LRIG3: variants seen among roughly 807,000 people sequenced by gnomAD.
LRIG3 encodes leucine-rich repeats and immunoglobulin-like domains protein 3.
LRIG3 carries 76 observed loss-of-function variants against 114.5 expected under a neutral mutation model. The observed-to-expected ratio is 0.66, with a 90% CI of 0.55 to 0.80. The LOEUF (loss-of-function observed/expected upper bound fraction) is 0.80, where lower values mean the gene tolerates loss of function less well. LRIG3 is among the 30% of genes least tolerant of loss of function. The pLI, the probability that LRIG3 is intolerant of heterozygous loss-of-function variation, is 0.00. For synonymous variants in LRIG3, 512 were observed against 519.8 expected (o/e 0.98, Z 0.20); for missense variants, 1,239 against 1,382.8 (o/e 0.90, Z 1.65).
At position 58,887,910 on chromosome 12, in the gene LRIG3, A is replaced by G. The variant is rs752280282; in HGVS notation, c.970T>C (p.Ser324Pro). 47 of 1,613,100 alleles carry G rather than the reference A, an allele frequency of 2.9e-5. No individual in the cohort carries two copies. Among genetic ancestry groups the G allele is most frequent in the African/African-American group, 9.3e-5 (7 of 74,878 alleles). Residue 324 changes from serine (S) to proline (P), a missense_variant, in exon 8 of 19, where the codon TCA (serine) becomes CCA (proline). Ser to Pro is a moderately conservative substitution (Grantham distance 74). Coordinates refer to ENST00000320743, the MANE Select transcript of LRIG3 (RefSeq NM_153377.5). ...AGGAAGCTTGAATCATCTAACCTTG[A>G]TAAGTGATTGAAAGTTAGGTCCCTG... Reference protein sequence around the residue: ...SELDLTFNHLSRLDDSSFLGL... With the variant: ...SELDLTFNHLPRLDDSSFLGL...
Position 58,874,065 on chromosome 12 carries a change from A to G in LRIG3, c.3105T>C (p.Asn1035=). Residue 1035 remains asparagine (N), a synonymous_variant, in exon 18 of 19, where the codon AAT becomes AAC. Transcript: ENST00000320743. The part of the protein sequence containing the change: ...NPEPASVASS[N]SFMGTFGKAL... ...ACTTAATAAACTTACCCATGAAAGA[A>G]TTACTCGAGGCAACCGACGCTGGCT... 1 of 1,614,206 alleles carries G rather than the reference A, an allele frequency of 6.2e-7. No individual in the cohort carries two copies. The highest frequency in any genetic ancestry group is 8.5e-7 in the Non-Finnish European group (1 of 1,180,026).
Position 58,877,431 on chromosome 12 carries a change from C to A in LRIG3, c.2505G>T (p.Arg835=). 1 of 1,614,078 alleles carries A rather than the reference C, an allele frequency of 6.2e-7. No individual in the cohort carries two copies. Among genetic ancestry groups the A allele is most frequent in the Non-Finnish European group, 8.5e-7 (1 of 1,179,948 alleles). The change falls in exon 15 of 19, where the codon CGG becomes CGT. Residue 835 remains arginine (R), a synonymous_variant. Coordinates refer to ENST00000320743, the MANE Select transcript of LRIG3 (RefSeq NM_153377.5). ...VWVVIIYHTR[R]RNEDCSITNT... ...TGGTAATGCTGCAATCTTCATTCCT[C>A]CGCCTTGTGTGGTATATGATGACCA...
In LRIG3 at chr12:58,920,389, G is replaced by T. The variant is rs1260911566; in HGVS notation, c.-154C>A. 2.0e-6 allele frequency: 1 copy of T among 505,578 alleles called. No homozygotes were observed. Among genetic ancestry groups the T allele is most frequent in the African/African-American group, 2.0e-5 (1 of 49,634 alleles). 31.3% of individuals were successfully genotyped at this position (505,578 alleles called of 1,614,324 possible). On this transcript the variant is annotated 5_prime_UTR_variant, in exon 1 of 19. Transcript: ENST00000320743. ...CCGGTCAATTCCTTCTTTTACTCCC[G>T]GCGGCGAAGCCCTTTCATGCCCCCA...
chr12:58,878,830 C>T lies in LRIG3; in HGVS notation c.2077G>A (p.Val693Ile), dbSNP rs1262742362. The T allele has an allele frequency of 6.2e-7, 1 of 1,613,126 alleles. No individual in the cohort carries two copies. The highest frequency in any genetic ancestry group is 2.2e-5 in the East Asian group (1 of 44,868). The stretch of plus-strand genomic sequence containing the variant: ...TCTTAACAAATTCACCCACCTAGGA[C>T]AGTCAGAGTTGCATTTGCTGAAATA... Reference protein sequence around the residue: ...GSISANATLTVLETPSFLRPL... With the variant: ...GSISANATLTILETPSFLRPL... Residue 693 changes from valine (V) to isoleucine (I), a missense_variant, in exon 14 of 19, where the codon GTC becomes ATC. Val to Ile is a conservative substitution (Grantham distance 29). Transcript: ENST00000320743.
chr12:58,874,882 C>T (rs942896905), intron 16 of LRIG3, among the ~76,000 whole-genome samples: 1 of 152,176 alleles, frequency 6.6e-6, no homozygotes, highest in African/African-American at 2.4e-5. Context: ...TACAAAAGGT[C>T]CCAGATGACC....
In LRIG3 at chr12:58,878,808, T is replaced by A. The variant is rs1343461090; in HGVS notation, c.2083+16A>T. 2 of 1,605,820 alleles carry A rather than the reference T, an allele frequency of 1.2e-6. No homozygotes were observed. The highest frequency in any genetic ancestry group is 2.7e-5 in the African/African-American group (2 of 74,938). On this transcript the variant is annotated intron_variant, in intron 14 of 18. Coordinates refer to ENST00000320743, the MANE Select transcript of LRIG3 (RefSeq NM_153377.5). ...AAGACTGATTTATACTACAGAATCT[T>A]AACAAATTCACCCACCTAGGACAGT... is the stretch of plus-strand genomic sequence containing the variant.
chr12:58,894,187 A>C (rs1373121011), intron 3 of LRIG3, among the ~76,000 whole-genome samples: 1 of 152,194 alleles, frequency 6.6e-6, no homozygotes, highest in Non-Finnish European at 1.5e-5. Context: ...TGAACTGCAC[A>C]CCTCCTAAAT....
At chr12:58,898,711 T>A (rs925379321) in intron 3 of LRIG3, among the ~76,000 whole-genome samples, 1 of 152,094 alleles carries the variant, frequency 6.6e-6, no homozygotes, top group Admixed American at 6.6e-5. Context: ...CACGGTGGAG[T>A]GCAGTGGCAC....
At chr12:58,919,343 G>T (rs1318062258) in intron 1 of LRIG3, 15 of 1,533,294 alleles carry the variant, frequency 9.8e-6, no homozygotes, top group Non-Finnish European at 1.2e-5. Context: ...CAGAAATCAC[G>T]CCCTTGATTC....
At chr12:58,890,216 G>T in intron 4 of LRIG3, 77 bp from the exon 5 acceptor site, 1 of 1,476,858 alleles carries the variant, frequency 6.8e-7, no homozygotes, top group Non-Finnish European at 9.3e-7. Context: ...TGTATTAGAA[G>T]GAGTCTCCAG....
At position 58,919,633 on chromosome 12, in the gene LRIG3, A is replaced by C. The variant is rs145767585; in HGVS notation, c.236+367T>G. On this transcript the variant is annotated intron_variant, in intron 1 of 18. Transcript: ENST00000320743. ...ACTCAGCGAGAACTGCAAACTCCTG[A>C]TGTGTGCAGGTTGCCGCTTATCTCC... 289 of 1,455,710 alleles carry C rather than the reference A, an allele frequency of 2.0e-4. 1 individual carries two copies. In the East Asian group the frequency reaches 6.8e-3, roughly 34 times the overall value. 90.2% of individuals were successfully genotyped at this position (1,455,710 alleles called of 1,614,324 possible).
chr12:58,890,845 T>C, intron 3 of LRIG3, 49 bp from the exon 4 acceptor site: 1 of 1,543,940 alleles, frequency 6.5e-7, no homozygotes, highest in Non-Finnish European at 8.7e-7. Flanking sequence ...TACAACAATC[T>C]GAAAGAAGAA....
intron 13 of LRIG3, 143 bp downstream of exon 13, chr12:58,880,438 T>G (rs1377080196): frequency 1.4e-5 from 12 of 840,414 alleles, no homozygotes; most frequent in Non-Finnish European, 2.2e-5. Flanking sequence ...ATCTTAATTT[T>G]GTGGAATGAA....
chr12:58,913,368 A>G (rs892357072), intron 3 of LRIG3: 1 of 152,262 alleles, frequency 6.6e-6, no homozygotes, highest in Non-Finnish European at 1.5e-5. Flanking sequence ...GTGCATGTAT[A>G]TACAACGTTA....
chr12:58,912,912 T>C (rs1872339422), intron 3 of LRIG3, among the ~76,000 whole-genome samples: 1 of 152,246 alleles, frequency 6.6e-6, no homozygotes, highest in African/African-American at 2.4e-5. Context: ...TACCGACTGC[T>C]TTTTCTTTCA....
chr12:58,892,093 A>G (rs1871475167), intron 3 of LRIG3, among the ~76,000 whole-genome samples: 1 of 152,202 alleles, frequency 6.6e-6, no homozygotes, highest in South Asian at 2.1e-4. Flanking sequence ...ATCAATCAAT[A>G]TAGTAACTCC....
At chr12:58,877,329 T>C (rs1870955001) in intron 15 of LRIG3, 71 bp downstream of exon 15, 2 of 1,464,460 alleles carry the variant, frequency 1.4e-6, no homozygotes, top group Non-Finnish European at 1.9e-6. Context: ...AAGACACACG[T>C]TCTAGAAGTA....
At chr12:58,900,855 A>G (rs1871822087) in intron 3 of LRIG3, among the ~76,000 whole-genome samples, 2 of 152,232 alleles carry the variant, frequency 1.3e-5, no homozygotes, top group Admixed American at 1.3e-4. Flanking sequence ...TGAATAAGGC[A>G]TAGAAAATGT....
At chr12:58,884,353 G>A (rs558787802) in intron 10 of LRIG3, among the ~76,000 whole-genome samples, 1 of 152,150 alleles carries the variant, frequency 6.6e-6, no homozygotes, top group South Asian at 2.1e-4. Context: ...TCTTTACAGG[G>A]GTCACAGTAT....
Sources: gnomAD v4.1 joint callset for allele counts (sites outside exome capture counted in the v4.1 genomes callset) on GRCh38, gnomAD v4.1.1 for gene constraint, MANE v1.5 for transcripts, NCBI Gene and HGNC (gene_info 2026-07-23, HGNC 2026-07-21) for gene names.